Variants in PTPRJ observed in about 807,000 individuals in gnomAD.
The protein encoded by PTPRJ is receptor-type tyrosine-protein phosphatase eta.
PTPRJ carries 129 observed loss-of-function variants against 141.3 expected under a neutral mutation model. The observed-to-expected ratio is 0.91, with a 90% CI of 0.79 to 1.06. The LOEUF (loss-of-function observed/expected upper bound fraction) is 1.06. Ranked by LOEUF, PTPRJ falls within the 50% of genes least tolerant of loss-of-function variation. The pLI is 0.00. For synonymous variants in PTPRJ, 610 were observed against 640.5 expected (o/e 0.95, Z 0.72); for missense variants, 1,601 against 1,679.7 (o/e 0.95, Z 0.82).
rs58097315 is a variant in PTPRJ, at chr11:48,066,554, G to GTATTAT, written c.97-43460_97-43455dup. Among the ~76,000 whole-genome samples the GTATTAT allele has an allele frequency of 3.8e-3, 505 of 133,850 alleles. 2 individuals carry two copies. The highest frequency in any genetic ancestry group is 8.2e-3 in the East Asian group (37 of 4,534). 87.8% of individuals were successfully genotyped at this position (133,850 alleles called of 152,430 possible). A position where few individuals can be genotyped will look rare whatever the true frequency, so the allele number is the denominator to read the frequency against. ...CTGGTTTTATAGGAATTATCCAGTC[G>GTATTAT]TATTATTATTATTATTATTATTATT... On this transcript the variant is annotated intron_variant, in intron 1 of 24. Transcript: ENST00000418331.
intron 24 of PTPRJ, among the ~76,000 whole-genome samples, chr11:48,165,650 T>G (rs775538706): frequency 1.3e-5 from 2 of 152,158 alleles, no homozygotes; most frequent in Non-Finnish European, 2.9e-5. Context: ...GCTTGGTGGT[T>G]GTTGTGGAAA....
At chr11:48,105,764 G>A (rs936339623) in intron 1 of PTPRJ, among the ~76,000 whole-genome samples, 6 of 152,120 alleles carry the variant, frequency 3.9e-5, no homozygotes, top group African/African-American at 1.2e-4. Context: ...GACTCTGCCC[G>A]CCTGTCTCTA....
chr11:48,125,823 C>T (rs1458043183), intron 6 of PTPRJ, among the ~76,000 whole-genome samples: 1 of 152,166 alleles, frequency 6.6e-6, no homozygotes, highest in Non-Finnish European at 1.5e-5. Flanking sequence ...TAAGGAATGA[C>T]AGTTTTTCCT....
chr11:48,159,864 G>T (rs1189906140), intron 21 of PTPRJ, 66 bp from the exon 22 acceptor site: 32 of 1,590,334 alleles, frequency 2.0e-5, no homozygotes, highest in Non-Finnish European at 2.5e-5. Context: ...AGTCTCCCTT[G>T]TGAGGTTTTA....
chr11:48,162,528 C>T (rs1857811000), intron 22 of PTPRJ, among the ~76,000 whole-genome samples: 1 of 152,196 alleles, frequency 6.6e-6, no homozygotes, highest in Non-Finnish European at 1.5e-5. Context: ...TCTAGCACCT[C>T]TCCCTTCACT....
chr11:48,001,841 GC>G lies in PTPRJ; in HGVS notation c.96+20837del, dbSNP rs550548222. Among the ~76,000 whole-genome samples, 887 of 152,288 alleles carry G rather than the reference GC, an allele frequency of 5.8e-3. 5 individuals carry two copies. Among genetic ancestry groups the G allele is most frequent in the Non-Finnish European group, 7.8e-3 (532 of 68,020 alleles). On this transcript the variant is annotated intron_variant, in intron 1 of 24. Transcript: ENST00000418331. ...GGACTTTATGAAATCATGCCCACAG[GC>G]CCCGGAACAGGTAGTGGTGCAGACA... is the stretch of plus-strand genomic sequence containing the variant.
At chr11:48,154,312 G>A (rs780061803) in intron 19 of PTPRJ, among the ~76,000 whole-genome samples, 4 of 152,202 alleles carry the variant, frequency 2.6e-5, no homozygotes, top group Admixed American at 6.5e-5. Context: ...TGAGCAGAGG[G>A]AGACGGGGAG....
chr11:47,981,244 C>T (rs934579583), intron 1 of PTPRJ, among the ~76,000 whole-genome samples: 1 of 152,134 alleles, frequency 6.6e-6, no homozygotes, highest in Non-Finnish European at 1.5e-5. Flanking sequence ...TGCCGCGGTG[C>T]CCGAGCCTCC....
chr11:48,019,739 G>A (rs1855059419), intron 1 of PTPRJ, among the ~76,000 whole-genome samples: 1 of 152,180 alleles, frequency 6.6e-6, no homozygotes, highest in African/African-American at 2.4e-5. Flanking sequence ...CTATCGCACT[G>A]CACACAGCTG....
At chr11:48,126,901 C>T (rs1856850760) in intron 6 of PTPRJ, among the ~76,000 whole-genome samples, 1 of 151,886 alleles carries the variant, frequency 6.6e-6, no homozygotes, top group Non-Finnish European at 1.5e-5. Flanking sequence ...TTAAGGAAAC[C>T]ATCAGAGGAC....
chr11:47,988,899 T>G (rs1854119350), intron 1 of PTPRJ, among the ~76,000 whole-genome samples: 2 of 140,926 alleles, frequency 1.4e-5, no homozygotes, highest in Non-Finnish European at 3.1e-5. Flanking sequence ...TTTTTTTTTT[T>G]TTTTTTGAGA....
chr11:48,006,976 T>C (rs1398237035), intron 1 of PTPRJ, among the ~76,000 whole-genome samples: 1 of 152,220 alleles, frequency 6.6e-6, no homozygotes, highest in Admixed American at 6.5e-5. Flanking sequence ...AAAGGTTAGA[T>C]GATTTTTCAA....
In PTPRJ at chr11:48,139,928, C is replaced by T. The variant is rs377765157; in HGVS notation, c.2443+152C>T. ...CTTTTACTGACATAGACTGGTTTCT[C>T]ATTCTATAGAAATCAATCTAAAAAA... On this transcript the variant is annotated intron_variant, in intron 11 of 24. Coordinates refer to ENST00000418331, the MANE Select transcript of PTPRJ (RefSeq NM_002843.4). 48 of 826,222 alleles carry T rather than the reference C, an allele frequency of 5.8e-5. No homozygotes were observed. The African/African-American group carries it at 6.7e-4, about 12-fold the overall frequency. The allele number at this position is 826,222 out of a possible 1,614,324, so 51.2% of individuals were successfully genotyped here. A position where few individuals can be genotyped will look rare whatever the true frequency, so the allele number is the denominator to read the frequency against.
In PTPRJ at chr11:48,170,170, G is replaced by C. The variant is rs535653762; in HGVS notation, c.*2808G>C. The stretch of plus-strand genomic sequence containing the variant: ...TTGCATACAGAAAAGCAGCTGGTAT[G>C]GGTTTGGGTGTCAATGAAAGGGCCA... On this transcript the variant is annotated 3_prime_UTR_variant, in exon 25 of 25. Coordinates refer to ENST00000418331, the MANE Select transcript of PTPRJ (RefSeq NM_002843.4). The C allele has an allele frequency of 4.6e-5, 7 of 152,268 alleles. No homozygotes were observed. The Middle Eastern group carries it at 0.017, about 372-fold the overall frequency. 9.4% of individuals were successfully genotyped at this position (152,268 alleles called of 1,614,324 possible).
chr11:48,131,698 G>T, intron 8 of PTPRJ: 1 of 525,622 alleles, frequency 1.9e-6, no homozygotes. Flanking sequence ...TGGCAGCAGA[G>T]AACGTGTGGC....
intron 1 of PTPRJ, among the ~76,000 whole-genome samples, chr11:48,087,198 G>A (rs1226725657): frequency 6.6e-6 from 1 of 152,168 alleles, no homozygotes; most frequent in Non-Finnish European, 1.5e-5. Context: ...TGTGGCAGTG[G>A]TTCCCAAACA....
At chr11:48,092,758 C>T (rs2134301366) in intron 1 of PTPRJ, among the ~76,000 whole-genome samples, 1 of 152,234 alleles carries the variant, frequency 6.6e-6, no homozygotes, top group Non-Finnish European at 1.5e-5. Flanking sequence ...AATATTCCAC[C>T]TATAAGTGAA....
intron 1 of PTPRJ, among the ~76,000 whole-genome samples, chr11:48,096,488 C>T (rs1004054227): frequency 6.6e-6 from 1 of 152,224 alleles, no homozygotes; most frequent in Non-Finnish European, 1.5e-5. Flanking sequence ...GCCACTTTCT[C>T]CGCCAAAACT....
intron 1 of PTPRJ, among the ~76,000 whole-genome samples, chr11:47,997,072 C>T (rs1369419403): frequency 6.6e-6 from 1 of 152,254 alleles, no homozygotes; most frequent in African/African-American, 2.4e-5. Flanking sequence ...CATGGTTTCT[C>T]CATCTCAGCC....
Sources: gnomAD v4.1 joint callset for allele counts (sites outside exome capture counted in the v4.1 genomes callset) on GRCh38, gnomAD v4.1.1 for gene constraint, MANE v1.5 for transcripts, NCBI Gene and HGNC (gene_info 2026-07-23, HGNC 2026-07-21) for gene names.